Variants in NLGN1 observed in about 807,000 individuals in gnomAD.
NLGN1 encodes the protein neuroligin 1.
Under a neutral mutation model 65.5 loss-of-function variants are expected in NLGN1, and 12 were observed. The ratio of observed to expected loss-of-function variants is 0.18; its 90% CI spans 0.12 to 0.30. NLGN1 has a LOEUF of 0.30. Among genes scored for constraint, NLGN1 ranks in the 10% least tolerant of loss-of-function variants. The pLI is 1.00. For synonymous variants in NLGN1, 350 were observed against 359.5 expected, an observed-to-expected ratio of 0.97 and a Z score of 0.30; for missense variants, 750 against 1,007.1, an observed-to-expected ratio of 0.74 and a Z score of 3.46.
At chr3:174,193,628 A>T (rs1732800394) in intron 4 of NLGN1, among the ~76,000 whole-genome samples, 1 of 152,176 alleles carries the variant, frequency 6.6e-6, no homozygotes, top group Admixed American at 6.5e-5. Context: ...CATGAGAAAT[A>T]AGCTGTTACT....
intron 3 of NLGN1, among the ~76,000 whole-genome samples, chr3:173,736,008 CTT>C (rs1333570674): frequency 6.6e-6 from 1 of 151,884 alleles, no homozygotes. Context: ...TTAGAAACCT[CTT>C]TCTCAGGCAG....
At chr3:173,893,515 A>C (rs918163872) in intron 4 of NLGN1, among the ~76,000 whole-genome samples, 1 of 152,158 alleles carries the variant, frequency 6.6e-6, no homozygotes, top group Non-Finnish European at 1.5e-5. Context: ...ACACAGGAAA[A>C]ATTAGCTACA....
intron 4 of NLGN1, among the ~76,000 whole-genome samples, chr3:173,883,814 CTTTTTT>C (rs74363696): frequency 3.1e-5 from 3 of 96,488 alleles, no homozygotes; most frequent in Non-Finnish European, 6.5e-5. Flanking sequence ...GGGAAACTTT[CTTTTTT>C]TTTTTTTTTT....
chr3:174,132,366 G>A (rs187935271), intron 4 of NLGN1, among the ~76,000 whole-genome samples: 5 of 152,218 alleles, frequency 3.3e-5, no homozygotes, highest in Admixed American at 1.3e-4. Flanking sequence ...ACCCATCTCC[G>A]AAAGGTAGGA....
At chr3:174,072,946 T>C (rs1740200968) in intron 4 of NLGN1, among the ~76,000 whole-genome samples, 1 of 152,114 alleles carries the variant, frequency 6.6e-6, no homozygotes, top group African/African-American at 2.4e-5. Flanking sequence ...CCAATGTAAA[T>C]AGTATCATAT....
intron 4 of NLGN1, among the ~76,000 whole-genome samples, chr3:174,032,334 CCA>C (rs1291042142): frequency 1.3e-5 from 2 of 152,134 alleles, no homozygotes; most frequent in African/African-American, 4.8e-5. Flanking sequence ...AAATACTAGA[CCA>C]CACACTGAAC....
intron 4 of NLGN1, among the ~76,000 whole-genome samples, chr3:174,147,478 G>T (rs1723545700): frequency 8.9e-6 from 1 of 112,318 alleles, no homozygotes; most frequent in African/African-American, 3.4e-5. Context: ...TTTTTGCTCA[G>T]GCTGGAGTGC....
chr3:174,108,577 A>G (rs141541885), intron 4 of NLGN1, among the ~76,000 whole-genome samples: 12 of 152,258 alleles, frequency 7.9e-5, no homozygotes, highest in Non-Finnish European at 1.2e-4. Context: ...TCAGTATAGA[A>G]CTGAGCTCAA....
chr3:173,995,586 A>T (rs1275264235), intron 4 of NLGN1, among the ~76,000 whole-genome samples: 3 of 151,502 alleles, frequency 2.0e-5, no homozygotes, highest in Admixed American at 6.6e-5. Context: ...GGGAAAAAGT[A>T]TTGTGAATTG....
At chr3:174,048,732 A>G (rs1281408288) in intron 4 of NLGN1, among the ~76,000 whole-genome samples, 1 of 152,086 alleles carries the variant, frequency 6.6e-6, no homozygotes, top group Admixed American at 6.6e-5. Context: ...ATAATGATAA[A>G]TGATAATTGT....
intron 4 of NLGN1, among the ~76,000 whole-genome samples, chr3:173,875,661 T>C (rs1224516925): frequency 2.0e-5 from 3 of 152,176 alleles, no homozygotes; most frequent in African/African-American, 7.2e-5. Flanking sequence ...ATTTTAAACC[T>C]TTATTAATAA....
At chr3:173,812,593 T>C (rs190928640) in intron 4 of NLGN1, among the ~76,000 whole-genome samples, 1 of 151,748 alleles carries the variant, frequency 6.6e-6, no homozygotes, top group Admixed American at 6.6e-5. Flanking sequence ...TAGCCAGGTG[T>C]GGTGGCACAT....
intron 4 of NLGN1, among the ~76,000 whole-genome samples, chr3:174,255,231 C>T (rs372966325): frequency 2.6e-5 from 4 of 151,966 alleles, no homozygotes; most frequent in East Asian, 1.9e-4. Context: ...GTCAGGAGAT[C>T]GAGACCATGC....
intron 3 of NLGN1, among the ~76,000 whole-genome samples, chr3:173,741,212 T>C (rs1386753979): frequency 2.0e-5 from 3 of 152,102 alleles, no homozygotes; most frequent in Admixed American, 2.0e-4. Context: ...TTCCATTAAG[T>C]GGTATCAATT....
chr3:173,465,956 A>G (rs1429514262), intron 2 of NLGN1, among the ~76,000 whole-genome samples: 1 of 152,220 alleles, frequency 6.6e-6, no homozygotes, highest in Non-Finnish European at 1.5e-5. Context: ...GAGCTAGATT[A>G]CATGTCAGTA....
chr3:173,838,928 T>C (rs75012362), intron 4 of NLGN1, among the ~76,000 whole-genome samples: 441 of 152,328 alleles, frequency 2.9e-3, no homozygotes, highest in African/African-American at 0.01. Context: ...AAGTGTATTT[T>C]TTTGGTATAC....
intron 4 of NLGN1, among the ~76,000 whole-genome samples, chr3:174,050,886 TTGTC>T (rs1416311142): frequency 4.6e-5 from 7 of 152,072 alleles, no homozygotes; most frequent in African/African-American, 1.7e-4. Flanking sequence ...TTGTGTCTGT[TTGTC>T]TGGCCAGTTG....
intron 4 of NLGN1, among the ~76,000 whole-genome samples, chr3:173,970,531 T>A (rs1715994194): frequency 6.6e-6 from 1 of 152,126 alleles, no homozygotes; most frequent in East Asian, 1.9e-4. Flanking sequence ...GATGAAGGGC[T>A]TTGCTTACAA....
In NLGN1 at chr3:173,585,910, T is replaced by C. The variant is rs542424591; in HGVS notation, c.-320-18369T>C. Among the ~76,000 whole-genome samples, 7 of 152,326 alleles carry C rather than the reference T, an allele frequency of 4.6e-5. No individual in the cohort carries two copies. The East Asian group carries it at 9.7e-4, about 21-fold the overall frequency. Reference sequence around the variant, plus strand: ...ATCTTTATTTGCAGAAGGAAATCAATTTCAGCAGCTATAATTAATCACTCA... The same window carrying C: ...ATCTTTATTTGCAGAAGGAAATCAACTTCAGCAGCTATAATTAATCACTCA... On this transcript the variant is annotated intron_variant, in intron 2 of 6. Coordinates refer to ENST00000457714, the Ensembl canonical transcript of NLGN1.
Sources: allele counts gnomAD v4.1 joint callset (sites outside exome capture counted in the v4.1 genomes callset), GRCh38; gene constraint gnomAD v4.1.1; transcripts MANE v1.5; gene names NCBI Gene and HGNC (gene_info 2026-07-23, HGNC 2026-07-21).